Variants in PRKG1 observed in about 807,000 individuals in gnomAD.
The protein encoded by PRKG1 is cGMP-dependent protein kinase 1.
Under a neutral mutation model 88.1 loss-of-function variants are expected in PRKG1, and 35 were observed. That is an observed-to-expected ratio of 0.40 (90% CI 0.30 to 0.53). The LOEUF (loss-of-function observed/expected upper bound fraction) is 0.53. Ranked by LOEUF, PRKG1 falls within the 20% of genes least tolerant of loss-of-function variation. The probability of loss-of-function intolerance (pLI) is 0.59; values close to 1 mark genes in which losing one functional copy is unlikely to be tolerated. For missense variants in PRKG1, 540 were observed against 839.8 expected, an observed-to-expected ratio of 0.64 and a Z score of 4.41; for synonymous variants, 303 against 292.5, an observed-to-expected ratio of 1.04 and a Z score of -0.37.
intron 2 of PRKG1, among the ~76,000 whole-genome samples, chr10:51,330,190 G>T (rs770531474): frequency 7.1e-6 from 1 of 141,208 alleles, no homozygotes; most frequent in African/African-American, 2.7e-5. Context: ...TCACTCTGTT[G>T]CTCAGGCTGG....
chr10:52,136,180 T>A (rs181652434), intron 8 of PRKG1, among the ~76,000 whole-genome samples: 2 of 152,172 alleles, frequency 1.3e-5, no homozygotes, highest in East Asian at 3.9e-4. Context: ...GTGAGAACAC[T>A]GAGCTTACAG....
At chr10:51,884,370 G>A (rs572652956) in intron 4 of PRKG1, among the ~76,000 whole-genome samples, 9 of 140,422 alleles carry the variant, frequency 6.4e-5, no homozygotes, top group Non-Finnish European at 9.2e-5. Context: ...GCGTGAACCC[G>A]GGAGGCGGAG....
chr10:51,898,309 A>G (rs1248078940), intron 4 of PRKG1, among the ~76,000 whole-genome samples: 4 of 152,144 alleles, frequency 2.6e-5, no homozygotes, highest in Non-Finnish European at 5.9e-5. Context: ...TTCTGTAGCC[A>G]TTATCTAATG....
intron 2 of PRKG1, among the ~76,000 whole-genome samples, chr10:51,383,657 C>T (rs145638420): frequency 9.6e-4 from 146 of 152,244 alleles, no homozygotes; most frequent in South Asian, 2.3e-3. Flanking sequence ...TGACCTGTCC[C>T]ATATCAAAGC....
chr10:51,916,173 A>G (rs1842334937), intron 5 of PRKG1, among the ~76,000 whole-genome samples: 2 of 152,178 alleles, frequency 1.3e-5, no homozygotes, highest in Non-Finnish European at 2.9e-5. Flanking sequence ...CCAGACAGTT[A>G]AGGCACTCTA....
chr10:51,810,466 A>G (rs1839425296), intron 4 of PRKG1, among the ~76,000 whole-genome samples: 1 of 152,174 alleles, frequency 6.6e-6, no homozygotes, highest in African/African-American at 2.4e-5. Context: ...TTGGCAAGTC[A>G]TAGAGCTGCT....
At chr10:51,723,311 T>C (rs866888552) in intron 3 of PRKG1, among the ~76,000 whole-genome samples, 5 of 152,188 alleles carry the variant, frequency 3.3e-5, no homozygotes, top group Middle Eastern at 3.2e-3. Context: ...GACGAGTTCA[T>C]GTCTTTTGCA....
chr10:51,061,088 T>C (rs1843687632), intron 1 of PRKG1, among the ~76,000 whole-genome samples: 1 of 152,130 alleles, frequency 6.6e-6, no homozygotes, highest in African/African-American at 2.4e-5. Flanking sequence ...TGTGTGTCTG[T>C]ATTAGTCTGT....
intron 5 of PRKG1, among the ~76,000 whole-genome samples, chr10:51,943,492 T>G (rs1380332778): frequency 6.6e-6 from 1 of 152,082 alleles, no homozygotes; most frequent in African/African-American, 2.4e-5. Context: ...AACACTATGT[T>G]GAATGGGAGT....
chr10:51,055,510 AT>A (rs1390960981), intron 1 of PRKG1, among the ~76,000 whole-genome samples: 2 of 151,968 alleles, frequency 1.3e-5, no homozygotes, highest in Non-Finnish European at 2.9e-5. Context: ...ATTAAAAATA[AT>A]TTTGTTTGTC....
intron 7 of PRKG1, among the ~76,000 whole-genome samples, chr10:52,124,512 T>A (rs888193291): frequency 6.6e-6 from 1 of 152,186 alleles, no homozygotes; most frequent in Non-Finnish European, 1.5e-5. Context: ...TAAGTTGCTG[T>A]GGGTGAGTCA....
intron 2 of PRKG1, among the ~76,000 whole-genome samples, chr10:51,243,296 G>A (rs982569071): frequency 2.0e-5 from 3 of 152,172 alleles, no homozygotes; most frequent in Non-Finnish European, 4.4e-5. Flanking sequence ...TAAAGGAACT[G>A]ATAAAGAGTA....
intron 3 of PRKG1, among the ~76,000 whole-genome samples, chr10:51,756,484 C>CAAAAA (rs55967411): frequency 4.6e-5 from 5 of 107,962 alleles, no homozygotes; most frequent in African/African-American, 3.7e-5. Context: ...GAGACTGTCT[C>CAAAAA]AAAAAAAAAA....
chr10:51,818,879 C>T lies in PRKG1; in HGVS notation c.698+14189C>T, dbSNP rs1219404761. On this transcript the variant is annotated intron_variant, in intron 4 of 17. Transcript: ENST00000373980. ...AAAATTAGCCGGGCGTAGTGGTGGG[C>T]GCCTGTAGTCCCAGCTACTTGGGAG... Among the ~76,000 whole-genome samples the T allele has an allele frequency of 9.1e-4, 118 of 129,424 alleles. 9 individuals carry two copies. The highest frequency in any genetic ancestry group is 1.4e-3 in the Non-Finnish European group (89 of 64,908). 84.9% of individuals were successfully genotyped at this position (129,424 alleles called of 152,430 possible). A position where few individuals can be genotyped will look rare whatever the true frequency, so the allele number is the denominator to read the frequency against.
chr10:52,066,578 G>T (rs1418158946), intron 7 of PRKG1, among the ~76,000 whole-genome samples: 1 of 152,076 alleles, frequency 6.6e-6, no homozygotes, highest in Non-Finnish European at 1.5e-5. Context: ...TTATGAGCTC[G>T]CTTGACCATG....
chr10:52,113,855 T>G (rs762943741), intron 7 of PRKG1, among the ~76,000 whole-genome samples: 2 of 152,200 alleles, frequency 1.3e-5, no homozygotes, highest in Non-Finnish European at 2.9e-5. Flanking sequence ...AGCTACAAAT[T>G]GTATCTATTG....
chr10:52,251,746 T>C, intron 10 of PRKG1, 80 bp downstream of exon 10: 1 of 1,164,698 alleles, frequency 8.6e-7, no homozygotes, highest in Admixed American at 2.1e-5. Flanking sequence ...ATTTCTTTCT[T>C]TTCTCTTGTT....
intron 2 of PRKG1, among the ~76,000 whole-genome samples, chr10:51,398,415 G>C (rs770357550): frequency 6.6e-6 from 1 of 152,300 alleles, no homozygotes; most frequent in Admixed American, 6.5e-5. Flanking sequence ...CTCACCTCCT[G>C]CTGTGTGGCC....
At chr10:51,510,909 ATTTTTTT>A (rs113951308) in intron 3 of PRKG1, among the ~76,000 whole-genome samples, 1 of 135,414 alleles carries the variant, frequency 7.4e-6, no homozygotes, top group Non-Finnish European at 1.6e-5. Context: ...ACACCAGCTT[ATTTTTTT>A]TTTTTTTTGT....
Sources: gnomAD v4.1 joint callset for allele counts (sites outside exome capture counted in the v4.1 genomes callset) on GRCh38, gnomAD v4.1.1 for gene constraint, MANE v1.5 for transcripts, NCBI Gene and HGNC (gene_info 2026-07-23, HGNC 2026-07-21) for gene names.